The following GTF2IRD1 variants were observed in gnomAD, a reference collection of about 807,000 sequenced individuals.
GTF2IRD1 encodes the protein GTF2I repeat domain containing 1.
A neutral mutation model predicts 113.2 loss-of-function variants in GTF2IRD1; 26 were observed. The observed-to-expected ratio is 0.23, with a 90% CI of 0.17 to 0.32. The LOEUF is 0.32. Ranked by LOEUF, GTF2IRD1 falls within the 10% of genes least tolerant of loss-of-function variation. The probability of loss-of-function intolerance (pLI) is 1.00; values close to 1 mark genes in which losing one functional copy is unlikely to be tolerated. For synonymous variants in GTF2IRD1, 484 were observed against 529.1 expected (o/e 0.91, Z 1.17); for missense variants, 864 against 1,280.8 (o/e 0.67, Z 4.97).
At position 74,584,572 on chromosome 7, in the gene GTF2IRD1, A is replaced by G. The variant is rs145386676; in HGVS notation, c.2321-5279A>G. 8.9e-3 allele frequency among the ~76,000 whole-genome samples: 1,358 copies of G among 152,310 alleles called. 5 individuals are homozygous for G. The highest frequency in any genetic ancestry group is 0.014 in the Non-Finnish European group (961 of 68,032). ...AGTCATATAGGCATTTGTCTTGGGT[A>G]GACAGAGCAATGATTTCTATTCTTA... On this transcript the variant is annotated intron_variant, in intron 22 of 26. Coordinates refer to ENST00000424337, the MANE Select transcript of GTF2IRD1 (RefSeq NM_005685.4).
chr7:74,462,145 G>A (rs960099536), intron 1 of GTF2IRD1, among the ~76,000 whole-genome samples: 6 of 151,636 alleles, frequency 4.0e-5, no homozygotes, highest in South Asian at 2.1e-4. Context: ...AGGCTGCGGC[G>A]GGAGGATCAC....
intron 17 of GTF2IRD1, among the ~76,000 whole-genome samples, chr7:74,551,423 A>T (rs1799299606): frequency 6.6e-6 from 1 of 152,244 alleles, no homozygotes; most frequent in South Asian, 2.1e-4. Context: ...GATGCCTGCC[A>T]GGTCCCGGGC....
At chr7:74,456,694 A>AT (rs1239731707) in intron 1 of GTF2IRD1, among the ~76,000 whole-genome samples, 1 of 151,282 alleles carries the variant, frequency 6.6e-6, no homozygotes, top group Admixed American at 6.6e-5. Context: ...AAAAAAAAAA[A>AT]GAAAAAATTC....
intron 22 of GTF2IRD1, among the ~76,000 whole-genome samples, chr7:74,576,372 C>T (rs1304963890): frequency 6.6e-6 from 1 of 150,892 alleles, no homozygotes; most frequent in East Asian, 2.0e-4. Flanking sequence ...ACCAGCCTGG[C>T]CAACGTGGTA....
intron 2 of GTF2IRD1, among the ~76,000 whole-genome samples, chr7:74,511,013 C>T (rs910355421): frequency 7.9e-5 from 12 of 151,310 alleles, no homozygotes; most frequent in Middle Eastern, 3.4e-3. Context: ...CGTGCCACTG[C>T]ACTCCAGCCT....
At chr7:74,568,424 A>G (rs1554361446) in intron 22 of GTF2IRD1, among the ~76,000 whole-genome samples, 1 of 151,146 alleles carries the variant, frequency 6.6e-6, no homozygotes. Flanking sequence ...CCAGGCGGGC[A>G]GATCACAAGG....
chr7:74,574,929 A>T (rs587768019), intron 22 of GTF2IRD1, among the ~76,000 whole-genome samples: 14 of 152,130 alleles, frequency 9.2e-5, no homozygotes, highest in African/African-American at 3.4e-4. Context: ...TTTCTACTAA[A>T]AATACAAAAA....
chr7:74,557,108 C>T (rs1174426974), intron 19 of GTF2IRD1, among the ~76,000 whole-genome samples: 1 of 152,044 alleles, frequency 6.6e-6, no homozygotes, highest in Non-Finnish European at 1.5e-5. Context: ...TAGCCAGGTG[C>T]GGTGGTGCAC....
chr7:74,584,574 A>G (rs1801609514), intron 22 of GTF2IRD1, among the ~76,000 whole-genome samples: 1 of 152,208 alleles, frequency 6.6e-6, no homozygotes, highest in Admixed American at 6.5e-5. Context: ...TCTTGGGTAG[A>G]CAGAGCAATG....
intron 8 of GTF2IRD1, among the ~76,000 whole-genome samples, chr7:74,527,194 A>G (rs1797652234): frequency 6.6e-6 from 1 of 152,184 alleles, no homozygotes; most frequent in Admixed American, 6.5e-5. Context: ...GACCCATGAA[A>G]GTACTTGCTT....
At chr7:74,462,978 T>C (rs1793477877) in intron 1 of GTF2IRD1, among the ~76,000 whole-genome samples, 1 of 152,166 alleles carries the variant, frequency 6.6e-6, no homozygotes, top group African/African-American at 2.4e-5. Context: ...GTCTGTGCCC[T>C]GGGGTGTCTT....
intron 2 of GTF2IRD1, among the ~76,000 whole-genome samples, chr7:74,508,903 C>A (rs1431945575): frequency 6.6e-6 from 1 of 152,058 alleles, no homozygotes; most frequent in Admixed American, 6.6e-5. Flanking sequence ...AACTGCATCT[C>A]GGGCAGGAAG....
intron 1 of GTF2IRD1, among the ~76,000 whole-genome samples, chr7:74,501,650 T>G (rs782118429): frequency 3.9e-5 from 6 of 152,032 alleles, no homozygotes; most frequent in Admixed American, 2.0e-4. Flanking sequence ...TGTTTGTTTG[T>G]TTTGGTTTTT....
In GTF2IRD1 at chr7:74,504,705, CTT is replaced by C. The variant is rs561437934; in HGVS notation, c.-6-3349_-6-3348del. 7.1e-3 allele frequency among the ~76,000 whole-genome samples: 827 copies of C among 116,088 alleles called. 33 individuals are homozygous for C. In the East Asian group the frequency reaches 0.12, roughly 16 times the overall value. The allele number at this position is 116,088 out of a possible 152,430, so 76.2% of individuals were successfully genotyped here. A position where few individuals can be genotyped will look rare whatever the true frequency, so the allele number is the denominator to read the frequency against. On this transcript the variant is annotated intron_variant, in intron 1 of 26. Transcript: ENST00000424337. The stretch of plus-strand genomic sequence containing the variant: ...GCCAATGCTGCCATCAGAATTTTTA[CTT>C]TTTTTTTTTTTTTTTTTTTTAATGG...
Position 74,557,866 on chromosome 7 carries a change from G to A in GTF2IRD1, c.2107+144G>A. The stretch of plus-strand genomic sequence containing the variant: ...TTCTTGAGCATATACTACGTGCCAG[G>A]CACTGTCTCAGGCACTGGGGATATT... On this transcript the variant is annotated intron_variant, in intron 20 of 26. Transcript: ENST00000424337. 5.0e-6 allele frequency: 3 copies of A among 604,714 alleles called. No individual in the cohort carries two copies. The South Asian group carries it at 6.1e-5, about 12-fold the overall frequency. The allele number at this position is 604,714 out of a possible 1,614,324, so 37.5% of individuals were successfully genotyped here.
chr7:74,530,036 C>G, intron 9 of GTF2IRD1, 119 bp downstream of exon 9: 1 of 676,806 alleles, frequency 1.5e-6, no homozygotes, highest in South Asian at 1.8e-5. Flanking sequence ...ATGGCAAAAC[C>G]CCGTCTCTAT....
At chr7:74,587,603 ATG>A (rs1801790887) in intron 22 of GTF2IRD1, among the ~76,000 whole-genome samples, 1 of 152,008 alleles carries the variant, frequency 6.6e-6, no homozygotes, top group South Asian at 2.1e-4. Flanking sequence ...GGCCCAGCCC[ATG>A]TGACCCCACG....
chr7:74,575,945 G>A (rs1801021421), intron 22 of GTF2IRD1, among the ~76,000 whole-genome samples: 1 of 151,956 alleles, frequency 6.6e-6, no homozygotes, highest in Admixed American at 6.6e-5. Flanking sequence ...AGACAGAAGG[G>A]TCACTTGAGC....
At position 74,589,621 on chromosome 7, in the gene GTF2IRD1, C is replaced by G. The variant is rs1801933191; in HGVS notation, c.2321-230C>G. Among the ~76,000 whole-genome samples, 3 of 151,838 alleles carry G rather than the reference C, an allele frequency of 2.0e-5. No homozygotes were observed. In the South Asian group the frequency reaches 6.2e-4, roughly 32 times the overall value. On this transcript the variant is annotated intron_variant, in intron 22 of 26. Coordinates refer to ENST00000424337, the MANE Select transcript of GTF2IRD1 (RefSeq NM_005685.4). Reference sequence around the variant, plus strand: ...GTGAGGCAGGAGAATTCGCTTGAACCCAGAAGGCAGAGGTTGCAGTGAGCT... The same window carrying G: ...GTGAGGCAGGAGAATTCGCTTGAACGCAGAAGGCAGAGGTTGCAGTGAGCT...
Sources: allele counts gnomAD v4.1 joint callset (sites outside exome capture counted in the v4.1 genomes callset), GRCh38; gene constraint gnomAD v4.1.1; transcripts MANE v1.5; gene names NCBI Gene and HGNC (gene_info 2026-07-23, HGNC 2026-07-21).